CSMD1: variants seen among roughly 807,000 people sequenced by gnomAD.
CSMD1 encodes the protein CUB and Sushi multiple domains 1.
A neutral mutation model predicts 417.5 loss-of-function variants in CSMD1; 213 were observed. The ratio of observed to expected loss-of-function variants is 0.51; its 90% CI spans 0.46 to 0.57. The LOEUF is 0.57. Ranked by LOEUF, CSMD1 falls within the 20% of genes least tolerant of loss-of-function variation. The pLI is 0.00. For synonymous variants in CSMD1, 2,862 were observed against 1,736.8 expected (o/e 1.65, Z -16.11); for missense variants, 6,923 against 4,529.7 (o/e 1.53, Z -15.17).
chr8:4,583,172 G>A (rs56195045), intron 2 of CSMD1, among the ~76,000 whole-genome samples: 5,347 of 152,252 alleles, frequency 0.035, 162 homozygotes, highest in Non-Finnish European at 0.05. Context: ...TCTGCTCCAC[G>A]GCACCCAGTC....
chr8:3,839,052 T>C (rs1478050569), intron 5 of CSMD1, among the ~76,000 whole-genome samples: 1 of 127,708 alleles, frequency 7.8e-6, no homozygotes, highest in Admixed American at 9.4e-5. Flanking sequence ...ATATATAAAA[T>C]ATATAGCCTA....
chr8:4,419,879 T>G, intron 3 of CSMD1, 74 bp downstream of exon 3: 1 of 1,043,342 alleles, frequency 9.6e-7, no homozygotes, highest in Non-Finnish European at 1.4e-6. Context: ...TAGTTTGTCA[T>G]TATTAATCCA....
At chr8:4,181,452 G>C (rs1045384228) in intron 3 of CSMD1, among the ~76,000 whole-genome samples, 1 of 151,684 alleles carries the variant, frequency 6.6e-6, no homozygotes, top group Non-Finnish European at 1.5e-5. Context: ...GAACTGTCTT[G>C]GGTCACACAG....
chr8:3,923,589 C>A (rs1413872450), intron 5 of CSMD1, among the ~76,000 whole-genome samples: 1 of 152,120 alleles, frequency 6.6e-6, no homozygotes, highest in Non-Finnish European at 1.5e-5. Flanking sequence ...TTAACATACT[C>A]ATCACCTCAT....
intron 49 of CSMD1, among the ~76,000 whole-genome samples, chr8:3,063,079 C>G (rs975945127): frequency 1.3e-5 from 2 of 152,104 alleles, no homozygotes; most frequent in African/African-American, 4.8e-5. Flanking sequence ...GAGTCCCAGG[C>G]TCACTAAGCA....
intron 12 of CSMD1, among the ~76,000 whole-genome samples, chr8:3,411,806 A>G (rs1443886940): frequency 8.1e-5 from 10 of 124,178 alleles, no homozygotes; most frequent in East Asian, 4.1e-4. Flanking sequence ...GTATATATAC[A>G]CGTATATATA....
chr8:3,922,751 G>A lies in CSMD1; in HGVS notation c.818+75152C>T, dbSNP rs546261079. ...ATTTTGTATTTATTAACCAATTATT[G>A]TAGGTATGGTTATTTTTAGTACATT... On this transcript the variant is annotated intron_variant, in intron 5 of 69. Coordinates refer to ENST00000635120, the MANE Select transcript of CSMD1 (RefSeq NM_033225.6). Among the ~76,000 whole-genome samples, 70 of 152,082 alleles carry A rather than the reference G, an allele frequency of 4.6e-4. 1 individual carries two copies. The highest frequency in any genetic ancestry group is 4.9e-4 in the Non-Finnish European group (33 of 67,998).
At chr8:4,762,294 A>G (rs192871903) in intron 1 of CSMD1, among the ~76,000 whole-genome samples, 1 of 152,254 alleles carries the variant, frequency 6.6e-6, no homozygotes, top group African/African-American at 2.4e-5. Flanking sequence ...TTGGGGAGAG[A>G]GAAAGAATAG....
intron 3 of CSMD1, among the ~76,000 whole-genome samples, chr8:4,375,428 T>A (rs1292603756): frequency 2.0e-5 from 3 of 152,172 alleles, no homozygotes; most frequent in East Asian, 1.9e-4. Flanking sequence ...CATCTTGTAC[T>A]ACCCCAGGAA....
intron 2 of CSMD1, among the ~76,000 whole-genome samples, chr8:4,502,938 C>G (rs1260695983): frequency 6.6e-6 from 1 of 152,024 alleles, no homozygotes; most frequent in Non-Finnish European, 1.5e-5. Flanking sequence ...TCTGTTTGGT[C>G]TCTCTGTCTC....
chr8:3,233,829 A>C (rs1250325907), intron 26 of CSMD1, among the ~76,000 whole-genome samples: 1 of 151,640 alleles, frequency 6.6e-6, no homozygotes, highest in African/African-American at 2.4e-5. Context: ...ACATTAGATT[A>C]CAGGATCTGC....
intron 3 of CSMD1, among the ~76,000 whole-genome samples, chr8:4,165,275 C>A (rs1280431453): frequency 2.6e-5 from 4 of 152,248 alleles, no homozygotes; most frequent in African/African-American, 9.6e-5. Flanking sequence ...AAAGTTACAG[C>A]TGTTGATCCA....
chr8:4,950,671 G>T (rs1327506994), intron 1 of CSMD1, among the ~76,000 whole-genome samples: 4 of 152,174 alleles, frequency 2.6e-5, no homozygotes, highest in Non-Finnish European at 5.9e-5. Context: ...TCCGGAAAAA[G>T]AATTCAGAGT....
At chr8:3,951,099 A>G (rs1811565796) in intron 5 of CSMD1, among the ~76,000 whole-genome samples, 3 of 152,218 alleles carry the variant, frequency 2.0e-5, no homozygotes, top group Admixed American at 2.0e-4. Flanking sequence ...ATTAATCTGA[A>G]AGAATATATC....
chr8:4,658,161 A>T (rs150138629), intron 1 of CSMD1, among the ~76,000 whole-genome samples: 1 of 151,960 alleles, frequency 6.6e-6, no homozygotes, highest in South Asian at 2.1e-4. Context: ...GGGAAGGAGA[A>T]AGAGAAAGCA....
chr8:3,168,775 T>G (rs1347300874), intron 37 of CSMD1, among the ~76,000 whole-genome samples: 2 of 152,176 alleles, frequency 1.3e-5, no homozygotes, highest in Admixed American at 1.3e-4. Flanking sequence ...GTCTCATCTG[T>G]AAACTGTTGG....
intron 6 of CSMD1, among the ~76,000 whole-genome samples, chr8:3,734,864 G>A (rs1457794626): frequency 6.6e-6 from 1 of 152,162 alleles, no homozygotes; most frequent in Non-Finnish European, 1.5e-5. Flanking sequence ...TAATGCCGCT[G>A]ATGCTACAAT....
intron 23 of CSMD1, among the ~76,000 whole-genome samples, chr8:3,319,492 G>T (rs1182930539): frequency 6.6e-6 from 1 of 152,168 alleles, no homozygotes; most frequent in Non-Finnish European, 1.5e-5. Context: ...GCAAGTAAAA[G>T]ATAGTTCTAC....
At chr8:4,868,001 A>T (rs947557572) in intron 1 of CSMD1, among the ~76,000 whole-genome samples, 1 of 152,082 alleles carries the variant, frequency 6.6e-6, no homozygotes, top group Non-Finnish European at 1.5e-5. Flanking sequence ...TTCAGTTCAC[A>T]AAACTGCTAA....
Sources: gnomAD v4.1 joint callset for allele counts (sites outside exome capture counted in the v4.1 genomes callset) on GRCh38, gnomAD v4.1.1 for gene constraint, MANE v1.5 for transcripts, NCBI Gene and HGNC (gene_info 2026-07-23, HGNC 2026-07-21) for gene names.